DPP10: variants seen among roughly 807,000 people sequenced by gnomAD.
The protein encoded by DPP10 is dipeptidyl peptidase like 10.
A neutral mutation model predicts 120.9 loss-of-function variants in DPP10; 33 were observed. The observed-to-expected ratio is 0.27, with a 90% CI of 0.21 to 0.37. The LOEUF is 0.37. DPP10 is among the 10% of genes least tolerant of loss of function. The probability of loss-of-function intolerance (pLI) is 1.00; values close to 1 mark genes in which losing one functional copy is unlikely to be tolerated. For missense variants in DPP10, 816 were observed against 942.8 expected, an observed-to-expected ratio of 0.87 and a Z score of 1.76; for synonymous variants, 337 against 326.1, an observed-to-expected ratio of 1.03 and a Z score of -0.36.
intron 1 of DPP10, among the ~76,000 whole-genome samples, chr2:114,517,517 G>A (rs1331470482): frequency 1.3e-4 from 14 of 109,854 alleles, no homozygotes; most frequent in Non-Finnish European, 2.3e-4. Flanking sequence ...GTGAGACTCC[G>A]TCTCAAAAAA....
intron 1 of DPP10, among the ~76,000 whole-genome samples, chr2:114,920,307 A>G (rs761059932): frequency 8.5e-5 from 13 of 152,190 alleles, no homozygotes; most frequent in Non-Finnish European, 1.9e-4. Context: ...CACATGTTCT[A>G]AGGAAGAATG....
Position 114,926,850 on chromosome 2 carries a change from AT to A in DPP10, c.61-382371del, listed in dbSNP as rs11450459. On this transcript the variant is annotated intron_variant, in intron 1 of 25. Coordinates refer to ENST00000410059, the MANE Select transcript of DPP10 (RefSeq NM_020868.6). ...CCTTTTGAGCTTGGGGGAAGATACA[AT>A]TTTTTTTTTTTTTTTTTGAGACAGA... Among the ~76,000 whole-genome samples the A allele has an allele frequency of 3.0e-3, 413 of 136,518 alleles. 3 individuals are homozygous for A. The highest frequency in any genetic ancestry group is 9.1e-3 in the African/African-American group (333 of 36,436). 89.6% of individuals were successfully genotyped at this position (136,518 alleles called of 152,430 possible).
intron 3 of DPP10, among the ~76,000 whole-genome samples, chr2:115,486,669 A>G (rs2075797616): frequency 6.6e-6 from 1 of 152,208 alleles, no homozygotes; most frequent in Non-Finnish European, 1.5e-5. Context: ...TTAATCAGTT[A>G]AAGCTGGTGG....
At chr2:115,809,998 C>T (rs1299311992) in intron 19 of DPP10, among the ~76,000 whole-genome samples, 3 of 151,986 alleles carry the variant, frequency 2.0e-5, no homozygotes, top group Non-Finnish European at 2.9e-5. Context: ...CTCATCTCTA[C>T]TAAAAATACA....
intron 4 of DPP10, among the ~76,000 whole-genome samples, chr2:115,508,243 A>G (rs1313802672): frequency 6.6e-6 from 1 of 152,168 alleles, no homozygotes; most frequent in Non-Finnish European, 1.5e-5. Context: ...GGCTTAAAAT[A>G]TATTATATTG....
At chr2:115,434,565 T>C (rs1232837195) in intron 3 of DPP10, among the ~76,000 whole-genome samples, 3 of 151,910 alleles carry the variant, frequency 2.0e-5, no homozygotes, top group African/African-American at 7.2e-5. Context: ...TGATCCATAA[T>C]GTGGTACATA....
chr2:115,836,333 A>C (rs961206646), intron 22 of DPP10, 77 bp downstream of exon 22: 6 of 1,413,864 alleles, frequency 4.2e-6, no homozygotes, highest in Non-Finnish European at 4.9e-6. Context: ...GAATAGCTCA[A>C]TTGAGCTCAT....
intron 1 of DPP10, among the ~76,000 whole-genome samples, chr2:115,016,154 A>G (rs890680509): frequency 6.6e-6 from 1 of 152,208 alleles, no homozygotes; most frequent in African/African-American, 2.4e-5. Context: ...AAACAGATAT[A>G]TAGACCAATG....
chr2:115,350,585 G>A (rs1517371), intron 3 of DPP10, among the ~76,000 whole-genome samples: 105,305 of 151,888 alleles, frequency 0.69, 36,858 homozygotes, highest in Admixed American at 0.76. Context: ...TTTTTTCTCA[G>A]AGATCTGTAT....
chr2:115,462,969 A>G (rs756117063), intron 3 of DPP10, among the ~76,000 whole-genome samples: 2 of 152,170 alleles, frequency 1.3e-5, no homozygotes, highest in Non-Finnish European at 2.9e-5. Flanking sequence ...AGCTCAGGCA[A>G]TCTGCTTGTC....
intron 1 of DPP10, among the ~76,000 whole-genome samples, chr2:114,756,779 C>G (rs1679789036): frequency 6.6e-6 from 1 of 151,648 alleles, no homozygotes. Flanking sequence ...CCCTTAATCT[C>G]TACTTTTTTT....
intron 1 of DPP10, among the ~76,000 whole-genome samples, chr2:114,466,717 T>C (rs1340502837): frequency 6.6e-6 from 1 of 152,158 alleles, no homozygotes; most frequent in East Asian, 1.9e-4. Flanking sequence ...TCATCCATAA[T>C]ATAGAACGTA....
intron 1 of DPP10, among the ~76,000 whole-genome samples, chr2:115,104,307 A>G (rs1048438918): frequency 6.7e-6 from 1 of 150,110 alleles, no homozygotes; most frequent in Admixed American, 6.7e-5. Context: ...AAGCCTCCTG[A>G]GTGGCTGGAT....
chr2:115,280,157 G>C (rs950298783), intron 1 of DPP10, among the ~76,000 whole-genome samples: 1 of 152,126 alleles, frequency 6.6e-6, no homozygotes, highest in Non-Finnish European at 1.5e-5. Flanking sequence ...GGATCAACAG[G>C]CTTGTATGGA....
intron 1 of DPP10, among the ~76,000 whole-genome samples, chr2:114,998,314 C>A (rs753938859): frequency 6.6e-6 from 1 of 152,068 alleles, no homozygotes; most frequent in African/African-American, 2.4e-5. Context: ...TGAAGCCTAC[C>A]AACTCCATTT....
intron 1 of DPP10, among the ~76,000 whole-genome samples, chr2:114,518,729 C>T (rs901587116): frequency 1.5e-4 from 23 of 152,296 alleles, no homozygotes; most frequent in Admixed American, 1.4e-3. Context: ...GCAAGAGTTC[C>T]AGGTGATTCG....
intron 1 of DPP10, among the ~76,000 whole-genome samples, chr2:114,895,293 G>A (rs1232455900): frequency 6.6e-6 from 1 of 152,220 alleles, no homozygotes; most frequent in Non-Finnish European, 1.5e-5. Context: ...AAATGTGGAT[G>A]ACAATGGTCG....
At position 114,784,462 on chromosome 2, in the gene DPP10, G is replaced by C. The variant is rs539967408; in HGVS notation, c.60+341624G>C. 1.9e-4 allele frequency among the ~76,000 whole-genome samples: 29 copies of C among 152,190 alleles called. No homozygotes were observed. The East Asian group carries it at 5.6e-3, about 29-fold the overall frequency. On this transcript the variant is annotated intron_variant, in intron 1 of 25. Transcript: ENST00000410059. ...GTGACTTCAAGGTATGCATGCCCCT[G>C]TCTGATGTGAAGATGTCACTGGCGA...
chr2:114,950,463 T>G, intron 1 of DPP10, among the ~76,000 whole-genome samples: 1 of 139,002 alleles, frequency 7.2e-6, no homozygotes, highest in South Asian at 2.5e-4. Flanking sequence ...CCCCGGTAAT[T>G]TTTTTATTTT....
Sources: allele counts gnomAD v4.1 joint callset (sites outside exome capture counted in the v4.1 genomes callset), GRCh38; gene constraint gnomAD v4.1.1; transcripts MANE v1.5; gene names NCBI Gene and HGNC (gene_info 2026-07-23, HGNC 2026-07-21).